Variants in MYO9B observed in about 807,000 individuals in gnomAD.
MYO9B encodes the protein myosin IXB.
MYO9B carries 71 observed loss-of-function variants against 229.5 expected under a neutral mutation model. The ratio of observed to expected loss-of-function variants is 0.31; its 90% confidence interval spans 0.26 to 0.38. The LOEUF (loss-of-function observed/expected upper bound fraction) is 0.38. Among genes scored for constraint, MYO9B ranks in the 10% least tolerant of loss-of-function variants. The pLI is 1.00. For missense variants in MYO9B, 2,255 were observed against 2,920.5 expected, an observed-to-expected ratio of 0.77 and a Z score of 5.25; for synonymous variants, 1,185 against 1,235.8, an observed-to-expected ratio of 0.96 and a Z score of 0.86.
intron 37 of MYO9B, 49 bp from the exon 38 acceptor site, chr19:17,210,666 C>T: frequency 6.7e-7 from 1 of 1,490,698 alleles, no homozygotes; most frequent in Non-Finnish European, 8.9e-7. Context: ...CCGGCAGTAA[C>T]CTCGCCCACT....
chr19:17,116,652 G>T lies in MYO9B; in HGVS notation c.840+14095G>T, dbSNP rs150657154. On this transcript the variant is annotated intron_variant, in intron 2 of 39. Transcript: ENST00000682292. ...CCACAGAGCACAGAGAGCAGCAGGC[G>T]CTGTGAGGGGCAGCCTGGGTGGGAA... Among the ~76,000 whole-genome samples the T allele has an allele frequency of 2.0e-5, 3 of 152,280 alleles. 1 individual carries two copies. Among genetic ancestry groups the T allele is most frequent in the South Asian group, 4.1e-4 (2 of 4,826 alleles).
chr19:17,152,787 A>G, intron 4 of MYO9B, 81 bp downstream of exon 4: 13 of 1,299,322 alleles, frequency 1.0e-5, no homozygotes, highest in Admixed American at 1.9e-5. Flanking sequence ...AGCAAAGCAA[A>G]CGTCCTGAGG....
At chr19:17,100,981 T>G in intron 1 of MYO9B, among the ~76,000 whole-genome samples, 1 of 150,256 alleles carries the variant, frequency 6.7e-6, no homozygotes, top group East Asian at 2.0e-4. Context: ...CTTGGGGAGC[T>G]GCTGGGGAGG....
chr19:17,160,830 G>A (rs920520420), intron 8 of MYO9B, among the ~76,000 whole-genome samples: 1 of 152,182 alleles, frequency 6.6e-6, no homozygotes, highest in Admixed American at 6.5e-5. Flanking sequence ...CTCCTGAGCA[G>A]CTGGGATTAC....
intron 1 of MYO9B, among the ~76,000 whole-genome samples, chr19:17,085,899 G>A (rs998745183): frequency 2.0e-5 from 3 of 152,028 alleles, no homozygotes; most frequent in African/African-American, 2.4e-5. Flanking sequence ...CCAGACCCGC[G>A]TCCCTGGCTG....
intron 35 of MYO9B, among the ~76,000 whole-genome samples, chr19:17,209,278 AAACT>A (rs2073198727): frequency 6.6e-6 from 1 of 152,234 alleles, no homozygotes; most frequent in African/African-American, 2.4e-5. Flanking sequence ...CCCCTGGGAC[AAACT>A]GCCCAGCAGC....
intron 10 of MYO9B, among the ~76,000 whole-genome samples, chr19:17,166,013 A>C (rs1357615489): frequency 6.6e-6 from 1 of 152,012 alleles, no homozygotes; most frequent in Non-Finnish European, 1.5e-5. Flanking sequence ...TTACAGAGAA[A>C]GTTTGCCAAC....
intron 3 of MYO9B, among the ~76,000 whole-genome samples, chr19:17,146,243 A>AT (rs2145239803): frequency 6.6e-6 from 1 of 151,240 alleles, no homozygotes; most frequent in East Asian, 2.0e-4. Context: ...GAGTAGATTC[A>AT]TGGGTGGATG....
rs2073009921 is a variant in MYO9B at position 17,193,607 on chromosome 19, A to G, written c.3128+545A>G. Among the ~76,000 whole-genome samples the G allele has an allele frequency of 6.6e-6, 1 of 152,128 alleles. No homozygotes were observed. Among genetic ancestry groups the G allele is most frequent in the African/African-American group, 2.4e-5 (1 of 41,432 alleles). ...GCAAAAGCCTCCTAGGCCAGGTGCA[A>G]TGGCTCATGCCTGTAATCCCAACAC... is the stretch of plus-strand genomic sequence containing the variant. On this transcript the variant is annotated intron_variant, in intron 21 of 39. Coordinates refer to ENST00000682292, the MANE Select transcript of MYO9B (RefSeq NM_004145.4). The surrounding 1 kb of genome is among the most constrained non-coding windows in gnomAD (Gnocchi z 4.3).
At chr19:17,202,735 G>A (rs2073121116) in intron 28 of MYO9B, 107 bp from the exon 29 acceptor site, 1 of 1,131,414 alleles carries the variant, frequency 8.8e-7, no homozygotes, top group Non-Finnish European at 1.3e-6. Flanking sequence ...CACTCCAGGT[G>A]AGGGAGGGTT....
chr19:17,125,900 GTGACTCT>G (rs2058012521), intron 2 of MYO9B, among the ~76,000 whole-genome samples: 1 of 152,172 alleles, frequency 6.6e-6, no homozygotes, highest in Admixed American at 6.5e-5. Context: ...TGAGGTTGGG[GTGACTCT>G]TCCACTTCCT....
intron 15 of MYO9B, among the ~76,000 whole-genome samples, chr19:17,183,039 A>G (rs1317842444): frequency 6.6e-6 from 1 of 151,984 alleles, no homozygotes; most frequent in Non-Finnish European, 1.5e-5. Flanking sequence ...CTCCTGCCTC[A>G]GTCTCTTGAG....
At chr19:17,183,701 C>T (rs1045082265) in intron 15 of MYO9B, 128 bp from the exon 16 acceptor site, 54 of 737,980 alleles carry the variant, frequency 7.3e-5, no homozygotes, top group East Asian at 5.9e-4. Flanking sequence ...GTTGCACTTG[C>T]GCCTTCTCAC....
rs1226757220 is a variant in MYO9B at position 17,193,552 on chromosome 19, C to T, written c.3128+490C>T. ...CCCAGCTCTGCCACAAGTCAGGTCC[C>T]AGCTCCCGGAGCAGGCCCTACCCAC... On this transcript the variant is annotated intron_variant, in intron 21 of 39. Coordinates refer to ENST00000682292, the MANE Select transcript of MYO9B (RefSeq NM_004145.4). The surrounding 1 kb of genome is among the most constrained non-coding windows in gnomAD (Gnocchi z 4.3). Among the ~76,000 whole-genome samples, 1 of 152,182 alleles carries T rather than the reference C, an allele frequency of 6.6e-6. No homozygotes were observed. The highest frequency in any genetic ancestry group is 2.4e-5 in the African/African-American group (1 of 41,446).
intron 1 of MYO9B, among the ~76,000 whole-genome samples, chr19:17,077,964 G>A (rs936258492): frequency 2.0e-5 from 3 of 152,122 alleles, no homozygotes; most frequent in African/African-American, 7.2e-5. Flanking sequence ...ACCGTCCCTC[G>A]GGTCCAGTCT....
rs749094129 is a variant in MYO9B, at chr19:17,101,672, C to G, written c.-46C>G. 2 of 1,505,448 alleles carry G rather than the reference C, an allele frequency of 1.3e-6. No individual in the cohort carries two copies. Among genetic ancestry groups the G allele is most frequent in the South Asian group, 2.5e-5 (2 of 80,106 alleles). The allele number at this position is 1,505,448 out of a possible 1,614,324, so 93.3% of individuals were successfully genotyped here. ...ACCTCCCTTCTAGCTCCAGGACACG[C>G]GCGCCCCGAGCCTGGGAGGCATGCT... is the stretch of plus-strand genomic sequence containing the variant. On this transcript the variant is annotated 5_prime_UTR_variant, in exon 2 of 40. Transcript: ENST00000682292. The surrounding 1 kb of genome is among the most constrained non-coding windows in gnomAD (Gnocchi z 4.7).
chr19:17,145,441 G>C lies in MYO9B; in HGVS notation c.885G>C (p.Arg295=). ...AKTAHNNNSS[R]FGKFIQVSYL... ...CAGCCCACAACAACAACTCCAGCCG[G>C]TTTGGGAAATTCATCCAAGTCAGCT... The change falls in exon 3 of 40, where the codon CGG becomes CGC. Residue 295 remains arginine (R), a synonymous_variant. Transcript: ENST00000682292. 6.2e-7 allele frequency: 1 copy of C among 1,613,986 alleles called. No homozygotes were observed. The highest frequency in any genetic ancestry group is 2.2e-5 in the East Asian group (1 of 44,878).
chr19:17,172,671 T>G lies in MYO9B; in HGVS notation c.1936-88T>G. 6.5e-7 allele frequency: 1 copy of G among 1,532,532 alleles called. No homozygotes were observed. Among genetic ancestry groups the G allele is most frequent in the Middle Eastern group, 1.7e-4 (1 of 5,854 alleles). 94.9% of individuals were successfully genotyped at this position (1,532,532 alleles called of 1,614,324 possible). A position where few individuals can be genotyped will look rare whatever the true frequency, so the allele number is the denominator to read the frequency against. ...ACTTAGGATGGGCCCCACCCCACCGTCAGCCCTTCCTGCGCCAGCCCGGGG... is the reference window on the plus strand; with the variant it reads ...ACTTAGGATGGGCCCCACCCCACCGGCAGCCCTTCCTGCGCCAGCCCGGGG... On this transcript the variant is annotated intron_variant, in intron 12 of 39. Transcript: ENST00000682292. The surrounding 1 kb of genome is among the most constrained non-coding windows in gnomAD (Gnocchi z 8.2).
chr19:17,163,225 A>G, intron 10 of MYO9B, 103 bp downstream of exon 10: 1 of 1,274,266 alleles, frequency 7.8e-7, no homozygotes, highest in Non-Finnish European at 1.1e-6. Context: ...CAGCGGCGGT[A>G]AGTACATTCA....
Sources: allele counts gnomAD v4.1 joint callset (sites outside exome capture counted in the v4.1 genomes callset), GRCh38; gene constraint gnomAD v4.1.1; non-coding constraint Gnocchi (gnomAD v3.1); transcripts MANE v1.5; gene names NCBI Gene and HGNC (gene_info 2026-07-23, HGNC 2026-07-21).